Variants in FOXP2 observed in about 807,000 individuals in gnomAD.
FOXP2 encodes the protein forkhead box P2.
Under a neutral mutation model 115.8 loss-of-function variants are expected in FOXP2, and 12 were observed. The ratio of observed to expected loss-of-function variants is 0.10; its 90% confidence interval spans 0.07 to 0.17. The LOEUF (loss-of-function observed/expected upper bound fraction) is 0.17. FOXP2 is among the 10% of genes least tolerant of loss of function. The pLI is 1.00. For missense variants in FOXP2, 629 were observed against 843.5 expected (o/e 0.75, Z 3.15); for synonymous variants, 328 against 297.7 (o/e 1.10, Z -1.05).
chr7:114,216,698 G>A (rs1794493305), intron 1 of FOXP2, among the ~76,000 whole-genome samples: 2 of 151,992 alleles, frequency 1.3e-5, no homozygotes, highest in Admixed American at 6.6e-5. Flanking sequence ...ATTCTATTGT[G>A]TGGATTTCTG....
chr7:114,516,345 C>G (rs544284369), intron 2 of FOXP2, among the ~76,000 whole-genome samples: 1 of 152,238 alleles, frequency 6.6e-6, no homozygotes, highest in East Asian at 1.9e-4. Context: ...GCTGGGAAAA[C>G]TGGCTAGCCA....
rs183994649 is a variant in FOXP2, at chr7:114,506,042, C to A, written c.169-28575C>A. ...CTTCCACTCCCACATTAAAAAACAA[C>A]AAAAAAAAGCTAATACCAGTCAGAT... On this transcript the variant is annotated intron_variant, in intron 2 of 16. Transcript: ENST00000350908. 8.4e-3 allele frequency among the ~76,000 whole-genome samples: 1,260 copies of A among 150,680 alleles called. 12 individuals are homozygous for A. Among genetic ancestry groups the A allele is most frequent in the Non-Finnish European group, 0.013 (894 of 67,304 alleles).
At chr7:114,599,476 C>G (rs1334706157) in intron 3 of FOXP2, among the ~76,000 whole-genome samples, 1 of 151,968 alleles carries the variant, frequency 6.6e-6, no homozygotes, top group Admixed American at 6.6e-5. Context: ...CTGTAAATTT[C>G]TTTGTGGGGA....
intron 2 of FOXP2, among the ~76,000 whole-genome samples, chr7:114,396,671 G>A (rs1792750648): frequency 6.9e-6 from 1 of 145,188 alleles, no homozygotes; most frequent in Non-Finnish European, 1.5e-5. Context: ...GGTTGAGAGG[G>A]TGGTGGTGGT....
intron 2 of FOXP2, among the ~76,000 whole-genome samples, chr7:114,301,648 T>A (rs983022901): frequency 4.6e-5 from 7 of 152,148 alleles, no homozygotes; most frequent in Non-Finnish European, 1.0e-4. Flanking sequence ...ATGATATAAA[T>A]GAAAAGGGCA....
intron 3 of FOXP2, among the ~76,000 whole-genome samples, chr7:114,603,398 C>G (rs1365978322): frequency 2.0e-5 from 3 of 152,184 alleles, no homozygotes; most frequent in African/African-American, 7.2e-5. Context: ...ACCTGATTTG[C>G]CTCCTCAGGA....
chr7:114,103,153 C>T (rs1290615118), intron 1 of FOXP2, among the ~76,000 whole-genome samples: 1 of 152,008 alleles, frequency 6.6e-6, no homozygotes, highest in Non-Finnish European at 1.5e-5. Context: ...GCTTCAGAAA[C>T]AGCATTGGCA....
intron 1 of FOXP2, among the ~76,000 whole-genome samples, chr7:114,108,390 A>G (rs150922371): frequency 6.6e-6 from 1 of 152,100 alleles, no homozygotes; most frequent in East Asian, 1.9e-4. Context: ...AAAAGCAGCC[A>G]TTATGTTTTT....
At chr7:114,230,295 A>AT (rs879496076) in intron 1 of FOXP2, among the ~76,000 whole-genome samples, 10 of 151,904 alleles carry the variant, frequency 6.6e-5, no homozygotes, top group Admixed American at 1.3e-4. Context: ...CCAAATATAT[A>AT]TTTTTTAAGA....
At chr7:114,477,094 A>C (rs1796308152) in intron 2 of FOXP2, among the ~76,000 whole-genome samples, 1 of 152,006 alleles carries the variant, frequency 6.6e-6, no homozygotes, top group Non-Finnish European at 1.5e-5. Flanking sequence ...ATAAGCCTGG[A>C]GACTTCTCAA....
At chr7:114,419,410 C>T (rs1793496161) in intron 1 of FOXP2, among the ~76,000 whole-genome samples, 2 of 151,966 alleles carry the variant, frequency 1.3e-5, no homozygotes, top group South Asian at 4.1e-4. Context: ...AAAATAGTTA[C>T]ATGTTGTGTG....
At chr7:114,536,397 C>CTTTTTTTTTTT (rs3997242) in intron 3 of FOXP2, among the ~76,000 whole-genome samples, 27 of 112,332 alleles carry the variant, frequency 2.4e-4, no homozygotes, top group South Asian at 5.7e-4. Context: ...TTTTTCTTTT[C>CTTTTTTTTTTT]TTTTTTTTTT....
chr7:114,257,933 GA>G (rs934774389), intron 1 of FOXP2, among the ~76,000 whole-genome samples: 2 of 152,140 alleles, frequency 1.3e-5, no homozygotes, highest in African/African-American at 4.8e-5. Context: ...GGAATAGTAG[GA>G]AATGAAGCCA....
At chr7:114,441,103 T>C (rs140274640) in intron 2 of FOXP2, among the ~76,000 whole-genome samples, 185 of 152,286 alleles carry the variant, frequency 1.2e-3, no homozygotes, top group Non-Finnish European at 2.1e-3. Flanking sequence ...CATGTGTACA[T>C]AAGTAATAAA....
chr7:114,481,288 T>A (rs1235054989), intron 2 of FOXP2, among the ~76,000 whole-genome samples: 1 of 151,210 alleles, frequency 6.6e-6, no homozygotes, highest in Admixed American at 6.6e-5. Flanking sequence ...TTAAAAGTTA[T>A]TATAAATAAT....
intron 2 of FOXP2, among the ~76,000 whole-genome samples, chr7:114,490,001 C>T (rs1052601502): frequency 6.6e-6 from 1 of 152,120 alleles, no homozygotes; most frequent in Admixed American, 6.6e-5. Flanking sequence ...GGTACAGCCA[C>T]TTCCGAAGTC....
intron 16 of FOXP2, chr7:114,669,887 A>G (rs1206940835): frequency 6.6e-6 from 1 of 152,016 alleles, no homozygotes; most frequent in Non-Finnish European, 1.5e-5. Flanking sequence ...AAGTTGGTTC[A>G]GATTTGCTGT....
chr7:114,420,491 A>G (rs984276363), intron 1 of FOXP2, among the ~76,000 whole-genome samples: 8 of 151,962 alleles, frequency 5.3e-5, no homozygotes, highest in African/African-American at 1.9e-4. Context: ...GGCAAAGACA[A>G]GAAAATCTGT....
Position 114,631,619 on chromosome 7 carries a change from A to T in FOXP2, c.689A>T (p.Gln230Leu). 1 of 1,613,884 alleles carries T rather than the reference A, an allele frequency of 6.2e-7. No individual in the cohort carries two copies. Among genetic ancestry groups the T allele is most frequent in the Non-Finnish European group, 8.5e-7 (1 of 1,179,942 alleles). Reference sequence around the variant, plus strand: ...CTCCAGATGCAACAACTCCAGCAGCAGCAGCATCTGCTCAGCCTTCAGCGT... The same window carrying T: ...CTCCAGATGCAACAACTCCAGCAGCTGCAGCATCTGCTCAGCCTTCAGCGT... Reference protein sequence around the residue: ...QLLQMQQLQQQQHLLSLQRQG... With the variant: ...QLLQMQQLQQLQHLLSLQRQG... Residue 230 changes from glutamine to leucine, a missense_variant, in exon 6 of 17, where the codon CAG (glutamine) becomes CTG (leucine). By Grantham distance (113) the Gln-to-Leu change is moderately radical. This residue lies in a region of FOXP2 where 138 missense variants were observed against 205.1 expected (regional missense o/e 0.67). Coordinates refer to ENST00000350908, the MANE Select transcript of FOXP2 (RefSeq NM_014491.4).
Sources: allele counts gnomAD v4.1 joint callset (sites outside exome capture counted in the v4.1 genomes callset), GRCh38; gene constraint gnomAD v4.1.1; regional missense constraint gnomAD v4.1.1; transcripts MANE v1.5; gene names NCBI Gene and HGNC (gene_info 2026-07-23, HGNC 2026-07-21).